Variants in CTNNA3 observed in about 807,000 individuals in gnomAD.
The protein encoded by CTNNA3 is catenin alpha-3.
Under a neutral mutation model 95.7 loss-of-function variants are expected in CTNNA3, and 76 were observed. The observed-to-expected ratio is 0.79, with a 90% CI of 0.66 to 0.96. The LOEUF is 0.96. Among genes scored for constraint, CTNNA3 ranks in the 40% least tolerant of loss-of-function variants. CTNNA3 has a pLI of 0.00. For synonymous variants in CTNNA3, 431 were observed against 374.4 expected, an observed-to-expected ratio of 1.15 and a Z score of -1.74; for missense variants, 1,191 against 1,089.8, an observed-to-expected ratio of 1.09 and a Z score of -1.31.
At position 67,647,498 on chromosome 10, in the gene CTNNA3, G is replaced by A. The variant is rs756147614; in HGVS notation, c.16C>T (p.Pro6Ser). The change falls in exon 2 of 18, where the codon CCA becomes TCA. Residue 6 changes from proline to serine, a missense_variant. By Grantham distance (74) the Pro-to-Ser change is moderately conservative. Transcript: ENST00000433211. Reference sequence around the variant, plus strand: ...TGAGGATCGATATTCAATGTGATTGGTGTTTCAGCTGACATGCTGCCTGTG... The same window carrying A: ...TGAGGATCGATATTCAATGTGATTGATGTTTCAGCTGACATGCTGCCTGTG... MSAET[P>S]ITLNIDPQDL... 9 of 1,613,016 alleles carry A rather than the reference G, an allele frequency of 5.6e-6. No homozygotes were observed. In the East Asian group the frequency reaches 2.0e-4, roughly 36 times the overall value.
At chr10:67,383,677 G>C (rs925946198) in intron 5 of CTNNA3, among the ~76,000 whole-genome samples, 10 of 152,246 alleles carry the variant, frequency 6.6e-5, no homozygotes, top group African/African-American at 2.4e-4. Context: ...GCATATCTTG[G>C]AGTTCAATGA....
intron 10 of CTNNA3, among the ~76,000 whole-genome samples, chr10:66,588,164 A>G (rs1843423524): frequency 6.6e-6 from 1 of 151,756 alleles, no homozygotes; most frequent in Non-Finnish European, 1.5e-5. Flanking sequence ...CAGCTCCAGC[A>G]CTGGGTAGTG....
chr10:67,760,886 C>A (rs1036462680), intron 1 of CTNNA3, among the ~76,000 whole-genome samples: 4 of 152,162 alleles, frequency 2.6e-5, no homozygotes, highest in South Asian at 2.1e-4. Context: ...AGGGCTCCCA[C>A]TGATTCTACA....
intron 13 of CTNNA3, among the ~76,000 whole-genome samples, chr10:66,257,613 G>A (rs2090841071): frequency 6.6e-6 from 1 of 152,176 alleles, no homozygotes. Flanking sequence ...ATCAATATCA[G>A]CTGCTCTTGT....
chr10:66,374,658 C>G (rs567587110), intron 12 of CTNNA3, among the ~76,000 whole-genome samples: 3 of 141,150 alleles, frequency 2.1e-5, no homozygotes, highest in Non-Finnish European at 1.5e-5. Context: ...TCTGTCACCC[C>G]TGCTGGAGTG....
In CTNNA3 at chr10:67,180,534, A is replaced by G. The variant is rs371450933; in HGVS notation, c.844-14T>C. The G allele has an allele frequency of 1.0e-5, 16 of 1,594,462 alleles. No homozygotes were observed. Among genetic ancestry groups the G allele is most frequent in the Non-Finnish European group, 1.4e-5 (16 of 1,162,380 alleles). On this transcript the variant is annotated splice_polypyrimidine_tract_variant and intron_variant, in intron 6 of 17. Coordinates refer to ENST00000433211, the MANE Select transcript of CTNNA3 (RefSeq NM_013266.4). ...GACAATTAAATTCTAAGAGAAGAAC[A>G]CATTTGTATGGTTAGAGCTCCATGG...
intron 9 of CTNNA3, among the ~76,000 whole-genome samples, chr10:66,651,959 A>G (rs911798518): frequency 1.3e-5 from 2 of 151,254 alleles, no homozygotes; most frequent in African/African-American, 4.9e-5. Flanking sequence ...AGGCACCGAG[A>G]GCGAGCAAGG....
At chr10:67,620,923 G>GTGTGTGTATA (rs1402402526) in intron 2 of CTNNA3, among the ~76,000 whole-genome samples, 1 of 123,808 alleles carries the variant, frequency 8.1e-6, no homozygotes, top group East Asian at 2.2e-4. Flanking sequence ...GTGTGTGTGT[G>GTGTGTGTATA]TATATATATA....
chr10:66,029,640 T>C (rs772924815), intron 15 of CTNNA3, among the ~76,000 whole-genome samples: 8 of 152,198 alleles, frequency 5.3e-5, no homozygotes, highest in Non-Finnish European at 8.8e-5. Flanking sequence ...GTGATGTAAT[T>C]TATTTACTTA....
intron 10 of CTNNA3, among the ~76,000 whole-genome samples, chr10:66,527,125 C>T (rs1485273984): frequency 1.3e-5 from 2 of 152,126 alleles, no homozygotes; most frequent in Admixed American, 1.3e-4. Context: ...GTGGGGCAAA[C>T]TTCATTCGTT....
intron 5 of CTNNA3, among the ~76,000 whole-genome samples, chr10:67,471,923 T>G (rs1847843119): frequency 6.6e-6 from 1 of 152,226 alleles, no homozygotes; most frequent in African/African-American, 2.4e-5. Flanking sequence ...CACAGATCAA[T>G]GATGGAAACC....
intron 7 of CTNNA3, among the ~76,000 whole-genome samples, chr10:66,822,684 T>A (rs1035870595): frequency 5.3e-5 from 8 of 152,138 alleles, no homozygotes; most frequent in Non-Finnish European, 1.2e-4. Flanking sequence ...AGGGCACAGA[T>A]CCTATTAAAG....
At chr10:66,439,635 T>C (rs2093362386) in intron 11 of CTNNA3, among the ~76,000 whole-genome samples, 1 of 152,272 alleles carries the variant, frequency 6.6e-6, no homozygotes, top group African/African-American at 2.4e-5. Flanking sequence ...TATAGCATAA[T>C]AGACTATTTC....
chr10:66,186,281 A>AGTGTGTGT (rs60910774), intron 13 of CTNNA3, among the ~76,000 whole-genome samples: 2,025 of 149,620 alleles, frequency 0.014, 21 homozygotes, highest in East Asian at 0.019. Flanking sequence ...ATAAAATGTG[A>AGTGTGTGT]GTGTGTGTGT....
intron 12 of CTNNA3, among the ~76,000 whole-genome samples, chr10:66,365,639 G>A (rs2092705911): frequency 6.6e-6 from 1 of 152,124 alleles, no homozygotes; most frequent in African/African-American, 2.4e-5. Context: ...ACATTGTCCA[G>A]TGATATCTGC....
chr10:67,475,637 A>G (rs1847980323), intron 5 of CTNNA3, among the ~76,000 whole-genome samples: 1 of 152,210 alleles, frequency 6.6e-6, no homozygotes, highest in Non-Finnish European at 1.5e-5. Flanking sequence ...AAAAACAACA[A>G]AAAACGTTAA....
intron 7 of CTNNA3, among the ~76,000 whole-genome samples, chr10:66,895,619 C>T (rs1180000538): frequency 6.6e-6 from 1 of 151,926 alleles, no homozygotes; most frequent in East Asian, 1.9e-4. Context: ...CATGTGAATC[C>T]CTACCATTCA....
intron 8 of CTNNA3, among the ~76,000 whole-genome samples, chr10:66,773,462 A>AGGCCCTAAAACAT (rs1840175342): frequency 6.6e-6 from 1 of 152,200 alleles, no homozygotes; most frequent in Admixed American, 6.5e-5. Flanking sequence ...CCACATGGAG[A>AGGCCCTAAAACAT]GGCCCTAAAA....
At chr10:67,702,361 A>G (rs1841046459) in intron 1 of CTNNA3, among the ~76,000 whole-genome samples, 2 of 152,216 alleles carry the variant, frequency 1.3e-5, no homozygotes, top group African/African-American at 4.8e-5. Flanking sequence ...TCAAAAATTG[A>G]CCACATAGTT....
Sources: allele counts gnomAD v4.1 joint callset (sites outside exome capture counted in the v4.1 genomes callset), GRCh38; gene constraint gnomAD v4.1.1; transcripts MANE v1.5; gene names NCBI Gene and HGNC (gene_info 2026-07-23, HGNC 2026-07-21).